AGO1: variants seen among roughly 807,000 people sequenced by gnomAD.
AGO1 encodes protein argonaute-1.
A neutral mutation model predicts 109.2 loss-of-function variants in AGO1; 11 were observed. The ratio of observed to expected loss-of-function variants is 0.10; its 90% CI spans 0.06 to 0.17. The LOEUF is 0.17. Among genes scored for constraint, AGO1 ranks in the 10% least tolerant of loss-of-function variants. The pLI is 1.00. For missense variants in AGO1, 574 were observed against 1,140.3 expected, an observed-to-expected ratio of 0.50 and a Z score of 7.15; for synonymous variants, 422 against 418.6, an observed-to-expected ratio of 1.01 and a Z score of -0.10.
chr1:35,918,524 A>G (rs1645775401), intron 17 of AGO1, 101 bp downstream of exon 17: 1 of 975,426 alleles, frequency 1.0e-6, no homozygotes, highest in African/African-American at 1.6e-5. Flanking sequence ...CATCCAAATT[A>G]GGATTGCTCT....
At chr1:35,913,236 A>G (rs189532603) in intron 12 of AGO1, among the ~76,000 whole-genome samples, 21 of 149,132 alleles carry the variant, frequency 1.4e-4, no homozygotes, top group Non-Finnish European at 1.0e-4. Flanking sequence ...AACCAGGATG[A>G]TCTCAATCTC....
upstream of AGO1, among the ~76,000 whole-genome samples, chr1:35,878,738 G>C (rs1645011814): frequency 6.6e-6 from 1 of 152,144 alleles, no homozygotes; most frequent in Non-Finnish European, 1.5e-5. Flanking sequence ...TACATCTCAT[G>C]AAGTTTATTT....
chr1:35,914,127 G>A (rs1645691227), intron 13 of AGO1, 57 bp from the exon 14 acceptor site: 1 of 1,598,576 alleles, frequency 6.3e-7, no homozygotes, highest in Non-Finnish European at 8.6e-7. Flanking sequence ...GGTACTGGAT[G>A]GTGCCAGCTA....
chr1:35,875,375 G>A (rs1644984720), intron 1 of AGO1, among the ~76,000 whole-genome samples: 1 of 151,912 alleles, frequency 6.6e-6, no homozygotes, highest in Non-Finnish European at 1.5e-5. Flanking sequence ...AAGCCTGGAT[G>A]ATAGCACATT....
rs1645150312 is a variant in AGO1, at chr1:35,888,141, T to C, written c.26-286T>C. Among the ~76,000 whole-genome samples the C allele has an allele frequency of 6.6e-6, 1 of 152,208 alleles. No homozygotes were observed. The highest frequency in any genetic ancestry group is 2.4e-5 in the African/African-American group (1 of 41,454). On this transcript the variant is annotated intron_variant, in intron 1 of 18. Transcript: ENST00000373204. The surrounding 1 kb of genome is among the most constrained non-coding windows in gnomAD (Gnocchi z 4.1). ...TTTTGTTACTAGGAGCCAGATTTAG[T>C]CTCTCTGCTTAACATGCAATAGGAA...
chr1:35,904,294 A>T (rs1645478302), intron 11 of AGO1, among the ~76,000 whole-genome samples: 2 of 151,736 alleles, frequency 1.3e-5, no homozygotes, highest in Admixed American at 1.3e-4. Flanking sequence ...TTTAGTAGAG[A>T]TGGGGTTTCA....
chr1:35,882,718 T>G, upstream of AGO1: 1 of 716,772 alleles, frequency 1.4e-6, no homozygotes, highest in Non-Finnish European at 1.7e-6. The surrounding 1 kb of genome is among the most constrained non-coding windows in gnomAD (Gnocchi z 5.1). Context: ...GCACATGGCG[T>G]GGAAGAGGGG....
Position 35,895,822 on chromosome 1 carries a change from G to T in AGO1, c.1020+553G>T, listed in dbSNP as rs1401669819. ...TAGAATACAAATACAGAATCACTGG[G>T]CTATATTTTGTTTGGTATATACTAG... On this transcript the variant is annotated intron_variant, in intron 8 of 18. Transcript: ENST00000373204. Among the ~76,000 whole-genome samples, 4 of 152,126 alleles carry T rather than the reference G, an allele frequency of 2.6e-5. No individual in the cohort carries two copies. In the East Asian group the frequency reaches 7.7e-4, roughly 29 times the overall value.
Position 35,913,627 on chromosome 1 carries a change from T to C in AGO1, c.1583-215T>C, listed in dbSNP as rs549188466. Among the ~76,000 whole-genome samples, 290 of 152,312 alleles carry C rather than the reference T, an allele frequency of 1.9e-3. 1 individual carries two copies. Among genetic ancestry groups the C allele is most frequent in the Non-Finnish European group, 3.0e-3 (207 of 68,022 alleles). ...TTTTATTTCCCATTTTATGCTGTTA[T>C]TGTTCCATGAAGTTTTCTGTTGTGT... On this transcript the variant is annotated intron_variant, in intron 12 of 18. Coordinates refer to ENST00000373204, the MANE Select transcript of AGO1 (RefSeq NM_012199.5).
rs1003735845 is a variant in AGO1 at position 35,883,340 on chromosome 1, C to A, written c.-82C>A. The A allele has an allele frequency of 1.9e-6, 3 of 1,545,542 alleles. No individual in the cohort carries two copies. The highest frequency in any genetic ancestry group is 2.6e-6 in the Non-Finnish European group (3 of 1,152,402). On this transcript the variant is annotated 5_prime_UTR_variant, in exon 1 of 19. Coordinates refer to ENST00000373204, the MANE Select transcript of AGO1 (RefSeq NM_012199.5). The surrounding 1 kb of genome is among the most constrained non-coding windows in gnomAD (Gnocchi z 5.4). ...GCCGAGCCCGGCCCGGGATCCCGAG[C>A]AGCGAGAGTGTGGGGTACCTAGGCC...
In AGO1 at chr1:35,915,528, G is replaced by A; in HGVS notation, c.2014G>A (p.Gly672Ser). Reference sequence around the variant, plus strand: ...CTTCTACCGAGATGGGGTGCCTGAAGGCCAGCTACCCCAGGTAGGGCCCAC... The same window carrying A: ...CTTCTACCGAGATGGGGTGCCTGAAAGCCAGCTACCCCAGGTAGGGCCCAC... ...IIFYRDGVPE[G>S]QLPQILHYEL... Residue 672 changes from glycine to serine, a missense_variant, in exon 15 of 19, where the codon GGC becomes AGC. By Grantham distance (56) the Gly-to-Ser change is moderately conservative. Around this residue, in one of 8 missense-constraint regions of AGO1, gnomAD observed 45 missense variants for 61.3 expected, o/e 0.73. Coordinates refer to ENST00000373204, the MANE Select transcript of AGO1 (RefSeq NM_012199.5). The A allele has an allele frequency of 6.2e-7, 1 of 1,614,034 alleles. No homozygotes were observed. The highest frequency in any genetic ancestry group is 8.5e-7 in the Non-Finnish European group (1 of 1,179,986).
At chr1:35,911,410 T>TA (rs1169503176) in intron 12 of AGO1, among the ~76,000 whole-genome samples, 7 of 152,194 alleles carry the variant, frequency 4.6e-5, no homozygotes, top group Non-Finnish European at 1.5e-5. Flanking sequence ...GTGCAGAGCT[T>TA]AGACTCTTAG....
intron 2 of AGO1, among the ~76,000 whole-genome samples, chr1:35,890,333 A>G (rs995320706): frequency 5.3e-5 from 8 of 152,170 alleles, no homozygotes; most frequent in African/African-American, 1.7e-4. Context: ...AATTGTTACC[A>G]TTCTTGAATA....
intron 12 of AGO1, among the ~76,000 whole-genome samples, chr1:35,913,210 G>A (rs1470162021): frequency 2.0e-5 from 3 of 151,742 alleles, no homozygotes; most frequent in Admixed American, 2.0e-4. Flanking sequence ...TAGTAGAGAT[G>A]GGGTTTCACC....
chr1:35,902,155 A>G (rs146059301), intron 10 of AGO1, 49 bp from the exon 11 acceptor site: 1 of 1,596,616 alleles, frequency 6.3e-7, no homozygotes, highest in African/African-American at 1.3e-5. Flanking sequence ...TCCCCTACCC[A>G]CCTGACTCTA....
At chr1:35,896,994 G>A (rs747627904) in intron 8 of AGO1, among the ~76,000 whole-genome samples, 1 of 152,158 alleles carries the variant, frequency 6.6e-6, no homozygotes, top group Non-Finnish European at 1.5e-5. Flanking sequence ...CTTAGACCTT[G>A]ATTTCTGTTG....
chr1:35,896,224 C>T (rs1645316031), intron 8 of AGO1, among the ~76,000 whole-genome samples: 1 of 152,182 alleles, frequency 6.6e-6, no homozygotes, highest in Non-Finnish European at 1.5e-5. Flanking sequence ...GTCTCGAACT[C>T]CTGACCTCAG....
upstream of AGO1, chr1:35,882,904 G>A: frequency 1.0e-6 from 1 of 985,368 alleles, no homozygotes; most frequent in Non-Finnish European, 1.2e-6. This position sits in a 1 kb window ranked among gnomAD's most constrained non-coding sequence, Gnocchi z 5.1. Flanking sequence ...ATGTGTGCGC[G>A]CAGCTCGGTG....
At position 35,883,646 on chromosome 1, in the gene AGO1, C is replaced by T. The variant is rs999598178; in HGVS notation, c.25+200C>T. Among the ~76,000 whole-genome samples, 1 of 152,294 alleles carries T rather than the reference C, an allele frequency of 6.6e-6. No individual in the cohort carries two copies. Among genetic ancestry groups the T allele is most frequent in the Non-Finnish European group, 1.5e-5 (1 of 68,008 alleles). On this transcript the variant is annotated intron_variant, in intron 1 of 18. Transcript: ENST00000373204. The surrounding 1 kb of genome is among the most constrained non-coding windows in gnomAD (Gnocchi z 5.4). ...GAGCCCTGAGATGGGGGCTGTTTGT[C>T]CAAGGAGGCTGTATACAGTCCTGCG...
Sources: gnomAD v4.1 joint callset for allele counts (sites outside exome capture counted in the v4.1 genomes callset) on GRCh38, gnomAD v4.1.1 for gene constraint, gnomAD v4.1.1 regional missense constraint, Gnocchi (gnomAD v3.1) non-coding constraint, MANE v1.5 for transcripts, NCBI Gene and HGNC (gene_info 2026-07-23, HGNC 2026-07-21) for gene names.